Variants in SGCD observed in about 807,000 individuals in gnomAD.
SGCD encodes delta-sarcoglycan.
A neutral mutation model predicts 36.6 loss-of-function variants in SGCD; 18 were observed. That is an observed-to-expected ratio of 0.49 (90% confidence interval 0.34 to 0.73). The LOEUF (loss-of-function observed/expected upper bound fraction) is 0.73. Ranked by LOEUF, SGCD falls within the 30% of genes least tolerant of loss-of-function variation. The pLI is 0.01. For synonymous variants in SGCD, 133 were observed against 130.6 expected (o/e 1.02, Z -0.12); for missense variants, 387 against 346.7 (o/e 1.12, Z -0.92).
intron 4 of SGCD, among the ~76,000 whole-genome samples, chr5:156,579,605 G>T (rs1760154384): frequency 6.6e-6 from 1 of 152,148 alleles, no homozygotes; most frequent in African/African-American, 2.4e-5. Flanking sequence ...CCTGTATTGG[G>T]TGCATATATA....
chr5:156,577,384 T>C (rs1277478826), intron 4 of SGCD, among the ~76,000 whole-genome samples: 1 of 152,216 alleles, frequency 6.6e-6, no homozygotes, highest in African/African-American at 2.4e-5. Flanking sequence ...TTGCTTAGGA[T>C]TGTCTTGGCA....
At chr5:156,049,935 G>T (rs1394073117) in intron 1 of SGCD, among the ~76,000 whole-genome samples, 1 of 146,758 alleles carries the variant, frequency 6.8e-6, no homozygotes, top group African/African-American at 2.5e-5. Context: ...GATAAAACTT[G>T]AATGGATGAG....
chr5:156,629,523 A>T (rs954299899), intron 6 of SGCD, among the ~76,000 whole-genome samples: 1 of 152,252 alleles, frequency 6.6e-6, no homozygotes, highest in African/African-American at 2.4e-5. Context: ...TGGCCCATGC[A>T]GGCAAGCCAT....
intron 3 of SGCD, among the ~76,000 whole-genome samples, chr5:156,467,333 C>T (rs1754761473): frequency 6.6e-6 from 1 of 152,092 alleles, no homozygotes; most frequent in Non-Finnish European, 1.5e-5. Context: ...TCCAGACAGT[C>T]AAATAAAAGA....
At chr5:156,683,382 C>T (rs571582155) in intron 7 of SGCD, among the ~76,000 whole-genome samples, 1 of 152,064 alleles carries the variant, frequency 6.6e-6, no homozygotes, top group Non-Finnish European at 1.5e-5. Context: ...CTATTTTATC[C>T]CCAGTATCAA....
At chr5:156,025,153 G>T (rs1275976788) in intron 1 of SGCD, among the ~76,000 whole-genome samples, 3 of 152,214 alleles carry the variant, frequency 2.0e-5, no homozygotes, top group South Asian at 2.1e-4. Context: ...TTTCCGTGTG[G>T]TGATTTAGTG....
At chr5:156,311,636 G>A (rs896683604) in intron 3 of SGCD, among the ~76,000 whole-genome samples, 3 of 152,130 alleles carry the variant, frequency 2.0e-5, no homozygotes, top group Admixed American at 6.5e-5. Flanking sequence ...TGGGGTTAGG[G>A]CAGGGCTCTG....
chr5:156,539,673 G>T (rs113058338), intron 4 of SGCD, among the ~76,000 whole-genome samples: 3 of 152,188 alleles, frequency 2.0e-5, no homozygotes, highest in African/African-American at 7.2e-5. Context: ...TGGGCACTGA[G>T]GTTGGTTCCA....
chr5:156,251,828 A>C (rs547579789), intron 3 of SGCD, among the ~76,000 whole-genome samples: 3 of 151,620 alleles, frequency 2.0e-5, no homozygotes, highest in Non-Finnish European at 4.4e-5. Flanking sequence ...CTACGTTTTA[A>C]AACTCGAAAC....
chr5:156,536,277 C>T (rs982968833), intron 4 of SGCD, among the ~76,000 whole-genome samples: 2 of 152,110 alleles, frequency 1.3e-5, no homozygotes, highest in Non-Finnish European at 2.9e-5. Flanking sequence ...AGTACTTAGG[C>T]ATTGGTCTCT....
chr5:156,230,331 G>A (rs1764983867), intron 3 of SGCD, among the ~76,000 whole-genome samples: 1 of 152,102 alleles, frequency 6.6e-6, no homozygotes, highest in Non-Finnish European at 1.5e-5. Flanking sequence ...AAAGGTTTAG[G>A]GCCGAAGGCT....
the SGCD span, among the ~76,000 whole-genome samples, chr5:155,853,901 G>A: frequency 6.6e-6 from 1 of 152,112 alleles, no homozygotes; most frequent in East Asian, 1.9e-4. Flanking sequence ...ATCTGGCTTT[G>A]TTGATGGCTT....
chr5:155,834,197 C>G, the SGCD span, among the ~76,000 whole-genome samples: 3 of 152,114 alleles, frequency 2.0e-5, no homozygotes, highest in African/African-American at 4.8e-5. Context: ...TCCTTTAAGA[C>G]TAAATACTCC....
At chr5:156,348,512 A>G (rs1160098585) in intron 3 of SGCD, among the ~76,000 whole-genome samples, 1 of 152,180 alleles carries the variant, frequency 6.6e-6, no homozygotes, top group African/African-American at 2.4e-5. Context: ...AATAGCTACA[A>G]AAATTTTAAA....
intron 7 of SGCD, among the ~76,000 whole-genome samples, chr5:156,679,091 A>G (rs564967946): frequency 6.6e-6 from 1 of 152,340 alleles, no homozygotes; most frequent in South Asian, 2.1e-4. Flanking sequence ...TGCTTTGTCC[A>G]TATATTACTT....
intron 6 of SGCD, among the ~76,000 whole-genome samples, chr5:156,628,022 A>T (rs1204168021): frequency 6.6e-6 from 1 of 152,176 alleles, no homozygotes; most frequent in East Asian, 1.9e-4. Context: ...GAGAAGCATG[A>T]TCCTGGCATC....
intron 3 of SGCD, among the ~76,000 whole-genome samples, chr5:156,145,154 A>G (rs1762680701): frequency 6.6e-6 from 1 of 152,158 alleles, no homozygotes; most frequent in Non-Finnish European, 1.5e-5. Context: ...TGAATGATTT[A>G]GCACCATCAC....
chr5:155,868,122 A>G (rs1755556256), upstream of SGCD, among the ~76,000 whole-genome samples: 1 of 151,380 alleles, frequency 6.6e-6, no homozygotes, highest in Admixed American at 6.6e-5. Context: ...TGCGATCATG[A>G]CTCACTACAA....
rs146028181 is a variant in SGCD at position 156,571,744 on chromosome 5, T to C, written c.295-17487T>C. Among the ~76,000 whole-genome samples, 3 of 152,354 alleles carry C rather than the reference T, an allele frequency of 2.0e-5. No individual in the cohort carries two copies. The East Asian group carries it at 5.8e-4, about 29-fold the overall frequency. On this transcript the variant is annotated intron_variant, in intron 4 of 8. Coordinates refer to ENST00000337851, the MANE Select transcript of SGCD (RefSeq NM_000337.6). ...CAAAGATGATAATCCCCCAAAACTG[T>C]TTTACTGTGGTAAAATACACATGAT...
Sources: allele counts gnomAD v4.1 joint callset (sites outside exome capture counted in the v4.1 genomes callset), GRCh38; gene constraint gnomAD v4.1.1; transcripts MANE v1.5; gene names NCBI Gene and HGNC (gene_info 2026-07-23, HGNC 2026-07-21).